Variants in MLPH observed in about 807,000 individuals in gnomAD.
The protein encoded by MLPH is exophilin-3.
MLPH carries 51 observed loss-of-function variants against 72.1 expected under a neutral mutation model. That is an observed-to-expected ratio of 0.71 (90% CI 0.56 to 0.89). The LOEUF (loss-of-function observed/expected upper bound fraction) is 0.89, where lower values mean the gene tolerates loss of function less well. Ranked by LOEUF, MLPH falls within the 40% of genes least tolerant of loss-of-function variation. The probability of loss-of-function intolerance (pLI) is 0.00; values close to 1 mark genes in which losing one functional copy is unlikely to be tolerated. For missense variants in MLPH, 743 were observed against 759.9 expected (o/e 0.98, Z 0.26); for synonymous variants, 301 against 310.1 (o/e 0.97, Z 0.31).
Position 237,504,370 on chromosome 2 carries a change from C to T in MLPH, c.111-6204C>T, listed in dbSNP as rs1370073662. Among the ~76,000 whole-genome samples, 3 of 152,298 alleles carry T rather than the reference C, an allele frequency of 2.0e-5. No homozygotes were observed. The South Asian group carries it at 6.2e-4, about 32-fold the overall frequency. On this transcript the variant is annotated intron_variant, in intron 2 of 15. Coordinates refer to ENST00000264605, the MANE Select transcript of MLPH (RefSeq NM_024101.7). ...TAGCTGGGATTACAGGTGCCCACCA[C>T]CACACGGGGCTGATTTTTTGTATTT...
chr2:237,528,929 T>C (rs1397037658), intron 8 of MLPH, among the ~76,000 whole-genome samples: 1 of 152,224 alleles, frequency 6.6e-6, no homozygotes, highest in East Asian at 1.9e-4. Flanking sequence ...CTGTAGCACA[T>C]ATGGGTGCTT....
At chr2:237,525,452 A>C (rs999743322) in intron 6 of MLPH, 149 bp from the exon 7 acceptor site, 10 of 722,328 alleles carry the variant, frequency 1.4e-5, no homozygotes, top group Non-Finnish European at 2.4e-5. Context: ...AACAGAACTG[A>C]GTGGCAGGGG....
chr2:237,526,460 G>A (rs369455630), intron 7 of MLPH, among the ~76,000 whole-genome samples: 4 of 152,122 alleles, frequency 2.6e-5, no homozygotes, highest in Non-Finnish European at 5.9e-5. Context: ...TGAAGGGGCC[G>A]TAATCTCATG....
chr2:237,548,357 G>C (rs1193385270), intron 13 of MLPH, among the ~76,000 whole-genome samples: 2 of 152,210 alleles, frequency 1.3e-5, no homozygotes, highest in African/African-American at 4.8e-5. Flanking sequence ...TTGGCCATTT[G>C]GCTGTCTCTT....
intron 1 of MLPH, among the ~76,000 whole-genome samples, chr2:237,487,702 T>C (rs2079346512): frequency 6.6e-6 from 1 of 152,292 alleles, no homozygotes; most frequent in African/African-American, 2.4e-5. Context: ...GGGATCCCCA[T>C]TTTGGGCAAA....
chr2:237,516,444 G>A (rs1228963700), intron 4 of MLPH, among the ~76,000 whole-genome samples: 2 of 152,206 alleles, frequency 1.3e-5, no homozygotes, highest in African/African-American at 4.8e-5. Context: ...CTGTAGTGAT[G>A]AGGTCAGGCC....
intron 14 of MLPH, among the ~76,000 whole-genome samples, chr2:237,550,921 G>T (rs1018438674): frequency 1.3e-5 from 2 of 152,236 alleles, no homozygotes; most frequent in African/African-American, 4.8e-5. Flanking sequence ...TTTTGTGAAG[G>T]GTAGACTCTG....
At chr2:237,523,838 G>T (rs1466345764) in intron 6 of MLPH, among the ~76,000 whole-genome samples, 1 of 152,202 alleles carries the variant, frequency 6.6e-6, no homozygotes, top group African/African-American at 2.4e-5. Context: ...CTGATAGCGG[G>T]TAAAGCAAGA....
At chr2:237,542,824 G>C (rs1455460230) in intron 12 of MLPH, among the ~76,000 whole-genome samples, 165 bp downstream of exon 12, 2 of 35,628 alleles carry the variant, frequency 5.6e-5, no homozygotes, top group Admixed American at 2.2e-4. Context: ...GGTGAGTGGG[G>C]ACAGTGGTGA....
intron 2 of MLPH, among the ~76,000 whole-genome samples, chr2:237,496,041 G>C (rs1010195832): frequency 2.6e-5 from 4 of 152,216 alleles, no homozygotes; most frequent in Non-Finnish European, 5.9e-5. Context: ...CACCAGAGCA[G>C]CAATCCCTGC....
At chr2:237,491,571 C>G (rs534443515) in intron 1 of MLPH, among the ~76,000 whole-genome samples, 3 of 152,166 alleles carry the variant, frequency 2.0e-5, no homozygotes, top group Non-Finnish European at 4.4e-5. Context: ...TGAGACATCA[C>G]CAACTGTTAA....
intron 2 of MLPH, among the ~76,000 whole-genome samples, chr2:237,501,477 G>A (rs977708856): frequency 4.6e-5 from 7 of 151,916 alleles, no homozygotes; most frequent in South Asian, 4.2e-4. Flanking sequence ...GTATTGTCTC[G>A]TATTATTGTT....
At chr2:237,494,228 GGGCAGAA>G (rs1367509127) in intron 2 of MLPH, among the ~76,000 whole-genome samples, 2 of 152,058 alleles carry the variant, frequency 1.3e-5, no homozygotes, top group African/African-American at 2.4e-5. Flanking sequence ...GGAGGGCAGA[GGGCAGAA>G]GGCAGAAGGC....
chr2:237,496,717 G>A (rs13410662), intron 2 of MLPH, among the ~76,000 whole-genome samples: 15,340 of 152,058 alleles, frequency 0.1, 2,398 homozygotes, highest in African/African-American at 0.34. Flanking sequence ...ATGTGATTAG[G>A]GGGGGGCTTG....
chr2:237,502,808 G>A (rs957196094), intron 2 of MLPH, among the ~76,000 whole-genome samples: 19 of 152,152 alleles, frequency 1.2e-4, no homozygotes, highest in Non-Finnish European at 2.6e-4. Flanking sequence ...CGGGCAAACC[G>A]TGGCTTGCTT....
rs1265667931 is a variant in MLPH at position 237,554,276 on chromosome 2, G to C, written c.*684G>C. 3 of 169,208 alleles carry C rather than the reference G, an allele frequency of 1.8e-5. No homozygotes were observed. The highest frequency in any genetic ancestry group is 3.9e-5 in the Non-Finnish European group (3 of 77,052). The allele number at this position is 169,208 out of a possible 1,614,324, so 10.5% of individuals were successfully genotyped here. ...AGATGCTCAGATGCTAGTGCAGAGA[G>C]CCTGCTGGGAGACGAAGAGACAGCA... On this transcript the variant is annotated 3_prime_UTR_variant, in exon 16 of 16. Transcript: ENST00000264605.
At chr2:237,517,771 AAATG>A (rs1341966063) in intron 4 of MLPH, among the ~76,000 whole-genome samples, 3 of 129,254 alleles carry the variant, frequency 2.3e-5, no homozygotes, top group African/African-American at 6.2e-5. Flanking sequence ...ATGGATAAGT[AAATG>A]GATGGGTGCA....
chr2:237,515,845 C>G (rs1158719635), intron 4 of MLPH, among the ~76,000 whole-genome samples: 1 of 152,152 alleles, frequency 6.6e-6, no homozygotes, highest in Admixed American at 6.5e-5. Flanking sequence ...GTGCTGGAAG[C>G]CACAGGAAGG....
chr2:237,516,828 G>A (rs553881474), intron 4 of MLPH, among the ~76,000 whole-genome samples: 23 of 135,830 alleles, frequency 1.7e-4, no homozygotes, highest in African/African-American at 5.0e-4. Flanking sequence ...TGGATGGATG[G>A]TAGGATGGAT....
Sources: allele counts gnomAD v4.1 joint callset (sites outside exome capture counted in the v4.1 genomes callset), GRCh38; gene constraint gnomAD v4.1.1; transcripts MANE v1.5; gene names NCBI Gene and HGNC (gene_info 2026-07-23, HGNC 2026-07-21).